EFR3A: variants seen among roughly 807,000 people sequenced by gnomAD.
EFR3A encodes protein EFR3 homolog A.
Under a neutral mutation model 104.4 loss-of-function variants are expected in EFR3A, and 76 were observed. The ratio of observed to expected loss-of-function variants is 0.73; its 90% confidence interval spans 0.60 to 0.88. The LOEUF (loss-of-function observed/expected upper bound fraction) is 0.88. Among genes scored for constraint, EFR3A ranks in the 40% least tolerant of loss-of-function variants. EFR3A has a pLI of 0.00. For missense variants in EFR3A, 985 were observed against 1,012.5 expected (o/e 0.97, Z 0.37); for synonymous variants, 330 against 330.0 (o/e 1.00, Z 0.00).
Position 131,907,625 on chromosome 8 carries a change from GA to G in EFR3A, c.10+3306del, listed in dbSNP as rs749248437. ...AACTTATTTTTTAATTTATTTTTATGAAAGAAATGCAGAATGAATTATAAAA... is the reference window on the plus strand; with the variant it reads ...AACTTATTTTTTAATTTATTTTTATGAAGAAATGCAGAATGAATTATAAAA... On this transcript the variant is annotated intron_variant, in intron 1 of 22. Transcript: ENST00000254624. Among the ~76,000 whole-genome samples the G allele has an allele frequency of 6.6e-5, 10 of 152,156 alleles. No homozygotes were observed. In the East Asian group the frequency reaches 1.9e-3, roughly 29 times the overall value.
At chr8:131,972,662 A>C (rs4736527) in intron 10 of EFR3A, among the ~76,000 whole-genome samples, 132,728 of 152,018 alleles carry the variant, frequency 0.87, 58,139 homozygotes, top group African/African-American at 0.94. Context: ...AATATAACTA[A>C]CTGGTTGCTA....
intron 22 of EFR3A, 29 bp downstream of exon 22, chr8:132,003,314 A>AAC (rs762936445): frequency 1.6e-5 from 26 of 1,594,162 alleles, no homozygotes; most frequent in South Asian, 6.7e-5. Flanking sequence ...CAATAGCAAT[A>AAC]ACACACACAC....
chr8:131,913,132 G>GTTT (rs5895116), intron 1 of EFR3A, among the ~76,000 whole-genome samples: 3 of 132,294 alleles, frequency 2.3e-5, no homozygotes, highest in African/African-American at 8.4e-5. Flanking sequence ...TTATTTTTCT[G>GTTT]TTTTTTTTTT....
chr8:131,904,714 C>T (rs1009437481), intron 1 of EFR3A, among the ~76,000 whole-genome samples: 2 of 152,214 alleles, frequency 1.3e-5, no homozygotes, highest in African/African-American at 4.8e-5. Context: ...CCGGACGTCG[C>T]TAGTGGACGC....
chr8:131,920,502 A>G (rs10464872), intron 1 of EFR3A, among the ~76,000 whole-genome samples: 17,427 of 152,098 alleles, frequency 0.11, 1,116 homozygotes, highest in South Asian at 0.22. Context: ...AAAGAAGATA[A>G]CTTCTAGAAG....
intron 1 of EFR3A, among the ~76,000 whole-genome samples, chr8:131,934,400 T>C (rs139548694): frequency 3.3e-5 from 5 of 152,252 alleles, no homozygotes; most frequent in Non-Finnish European, 7.4e-5. Flanking sequence ...CTTTTCACTT[T>C]AGCCGCAAGT....
chr8:131,932,960 A>G (rs1817685228), intron 1 of EFR3A, among the ~76,000 whole-genome samples: 1 of 152,062 alleles, frequency 6.6e-6, no homozygotes, highest in African/African-American at 2.4e-5. Context: ...CCACTACATA[A>G]TTACTACACT....
intron 8 of EFR3A, among the ~76,000 whole-genome samples, chr8:131,965,156 G>T (rs1819629165): frequency 6.6e-6 from 1 of 152,112 alleles, no homozygotes; most frequent in African/African-American, 2.4e-5. Context: ...ATAGGCATGG[G>T]CAAGGACTTC....
chr8:131,913,422 A>G (rs1480009299), intron 1 of EFR3A, among the ~76,000 whole-genome samples: 1 of 150,738 alleles, frequency 6.6e-6, no homozygotes, highest in African/African-American at 2.4e-5. Flanking sequence ...GTTATTAGAT[A>G]GTGTGATTCT....
intron 7 of EFR3A, among the ~76,000 whole-genome samples, chr8:131,957,024 GTACT>G (rs1563662244): frequency 6.6e-6 from 1 of 152,034 alleles, no homozygotes. Flanking sequence ...CAAATAAGTT[GTACT>G]TGAGTTGAAT....
intron 1 of EFR3A, 146 bp downstream of exon 1, chr8:131,904,468 G>A (rs529325677): frequency 1.2e-6 from 1 of 852,396 alleles, no homozygotes; most frequent in East Asian, 3.4e-5. Context: ...AGTTAGTTTC[G>A]TTTCGGCTTA....
At chr8:131,904,494 C>T (rs899821492) in intron 1 of EFR3A, among the ~76,000 whole-genome samples, 172 bp downstream of exon 1, 1 of 152,244 alleles carries the variant, frequency 6.6e-6, no homozygotes, top group East Asian at 1.9e-4. Context: ...CCGGAGATGG[C>T]GTGAGCCCGT....
chr8:131,979,526 T>G, intron 14 of EFR3A, 105 bp downstream of exon 14: 2 of 824,656 alleles, frequency 2.4e-6, no homozygotes, highest in Non-Finnish European at 3.8e-6. Flanking sequence ...GCCATAGAAT[T>G]TTGAATTTGA....
At chr8:131,986,832 T>C (rs1320729394) in intron 17 of EFR3A, among the ~76,000 whole-genome samples, 1 of 152,010 alleles carries the variant, frequency 6.6e-6, no homozygotes, top group East Asian at 1.9e-4. Flanking sequence ...TACCCCACTT[T>C]TTAAAAACTG....
chr8:131,932,470 G>C (rs1298379872), intron 1 of EFR3A, among the ~76,000 whole-genome samples: 2 of 152,048 alleles, frequency 1.3e-5, no homozygotes, highest in Admixed American at 1.3e-4. Context: ...GAAATATTTA[G>C]CTTATAAATA....
At chr8:131,947,787 T>A (rs1449667432) in intron 4 of EFR3A, among the ~76,000 whole-genome samples, 1 of 152,126 alleles carries the variant, frequency 6.6e-6, no homozygotes, top group Non-Finnish European at 1.5e-5. Flanking sequence ...GCCATTACTA[T>A]CTGTTGAAAA....
rs565312356 is a variant in EFR3A, at chr8:131,974,442, A to G, written c.1160-1585A>G. ...ACTAAGTTGTTTGAAACAGAAGGTC[A>G]GTGTCCAGTTTTCTGCAAGACTAGG... is the stretch of plus-strand genomic sequence containing the variant. On this transcript the variant is annotated intron_variant, in intron 10 of 22. Coordinates refer to ENST00000254624, the MANE Select transcript of EFR3A (RefSeq NM_015137.6). 3.7e-4 allele frequency among the ~76,000 whole-genome samples: 56 copies of G among 152,300 alleles called. 1 individual carries two copies. The Middle Eastern group carries it at 0.017, about 46-fold the overall frequency.
chr8:131,993,604 A>G (rs563150145), intron 18 of EFR3A, among the ~76,000 whole-genome samples: 1 of 151,900 alleles, frequency 6.6e-6, no homozygotes, highest in African/African-American at 2.4e-5. Context: ...GATTAGAAAG[A>G]TGGAGCATAG....
chr8:132,010,448 ATAATG>A (rs1822284832), intron 22 of EFR3A, among the ~76,000 whole-genome samples: 1 of 137,142 alleles, frequency 7.3e-6, no homozygotes, highest in Admixed American at 7.4e-5. Context: ...ATATATATAT[ATAATG>A]AAATACCATT....
Sources: gnomAD v4.1 joint callset for allele counts (sites outside exome capture counted in the v4.1 genomes callset) on GRCh38, gnomAD v4.1.1 for gene constraint, MANE v1.5 for transcripts, NCBI Gene and HGNC (gene_info 2026-07-23, HGNC 2026-07-21) for gene names.